ZFAND3: variants seen among roughly 807,000 people sequenced by gnomAD.
The protein encoded by ZFAND3 is zinc finger AN1-type containing 3.
A neutral mutation model predicts 29.6 loss-of-function variants in ZFAND3; 10 were observed. The ratio of observed to expected loss-of-function variants is 0.34; its 90% CI spans 0.21 to 0.57. The LOEUF (loss-of-function observed/expected upper bound fraction) is 0.57, where lower values mean the gene tolerates loss of function less well. Ranked by LOEUF, ZFAND3 falls within the 20% of genes least tolerant of loss-of-function variation. The pLI is 0.86. For synonymous variants in ZFAND3, 128 were observed against 112.6 expected (o/e 1.14, Z -0.87); for missense variants, 230 against 304.5 (o/e 0.76, Z 1.82).
chr6:38,147,361 ATAC>A (rs1383310293), intron 5 of ZFAND3, among the ~76,000 whole-genome samples: 1 of 152,228 alleles, frequency 6.6e-6, no homozygotes, highest in African/African-American at 2.4e-5. Context: ...TTGTGTATAT[ATAC>A]TACATTTTAT....
At chr6:38,091,858 A>G (rs770028866) in intron 4 of ZFAND3, among the ~76,000 whole-genome samples, 8 of 147,476 alleles carry the variant, frequency 5.4e-5, no homozygotes, top group African/African-American at 7.4e-5. Flanking sequence ...TATAAACAGG[A>G]TAAAGTGTCT....
intron 1 of ZFAND3, among the ~76,000 whole-genome samples, chr6:37,879,419 G>T (rs1279878281): frequency 6.6e-6 from 1 of 151,650 alleles, no homozygotes; most frequent in Non-Finnish European, 1.5e-5. Flanking sequence ...GGGGGGAATT[G>T]CATGGAACCA....
At chr6:37,970,128 AAATAAATG>A (rs1224788390) in intron 2 of ZFAND3, among the ~76,000 whole-genome samples, 18 of 152,146 alleles carry the variant, frequency 1.2e-4, no homozygotes, top group South Asian at 6.2e-4. Flanking sequence ...ATAAATAAAT[AAATAAATG>A]AATAAATGAA....
chr6:37,891,590 A>C lies in ZFAND3; in HGVS notation c.72-38369A>C, dbSNP rs574934845. Among the ~76,000 whole-genome samples, 467 of 126,608 alleles carry C rather than the reference A, an allele frequency of 3.7e-3. 3 individuals are homozygous for C. The highest frequency in any genetic ancestry group is 0.014 in the African/African-American group (444 of 32,404). 83.1% of individuals were successfully genotyped at this position (126,608 alleles called of 152,430 possible). On this transcript the variant is annotated intron_variant, in intron 1 of 5. Transcript: ENST00000287218. ...GCACTCCAGCCTGGGCTAAATAAAT[A>C]AATAATAAATAAATAAATAAATCAT...
intron 2 of ZFAND3, among the ~76,000 whole-genome samples, chr6:37,969,760 A>T (rs1762354983): frequency 1.3e-5 from 2 of 151,462 alleles, no homozygotes; most frequent in Admixed American, 6.6e-5. Context: ...ATTTGCTTTA[A>T]TTTTTTTTTC....
intron 2 of ZFAND3, among the ~76,000 whole-genome samples, chr6:37,995,607 CTATATA>C (rs1762836592): frequency 6.6e-6 from 1 of 151,962 alleles, no homozygotes; most frequent in Non-Finnish European, 1.5e-5. Context: ...TAATTGTTGC[CTATATA>C]TGTTATGTAC....
intron 2 of ZFAND3, among the ~76,000 whole-genome samples, chr6:37,989,340 T>C (rs948243857): frequency 3.9e-5 from 6 of 152,214 alleles, no homozygotes; most frequent in African/African-American, 1.4e-4. Flanking sequence ...CTCATAATAC[T>C]ACTGAAGGCT....
intron 2 of ZFAND3, among the ~76,000 whole-genome samples, chr6:37,955,236 A>G (rs558564421): frequency 3.3e-5 from 5 of 152,000 alleles, no homozygotes; most frequent in South Asian, 4.2e-4. Flanking sequence ...TTGGCAGTCT[A>G]TTGGTTGTTT....
At chr6:38,083,747 G>GAC (rs1401401100) in intron 4 of ZFAND3, among the ~76,000 whole-genome samples, 1 of 152,150 alleles carries the variant, frequency 6.6e-6, no homozygotes, top group Non-Finnish European at 1.5e-5. Flanking sequence ...GTCATCCTGA[G>GAC]AGGTTTGGGA....
intron 2 of ZFAND3, among the ~76,000 whole-genome samples, chr6:37,999,957 G>T (rs1762916082): frequency 6.6e-6 from 1 of 151,970 alleles, no homozygotes; most frequent in African/African-American, 2.4e-5. Context: ...TACTATCCTG[G>T]CAACCTTTTT....
At chr6:37,919,253 A>G (rs991033800) in intron 1 of ZFAND3, among the ~76,000 whole-genome samples, 2 of 152,036 alleles carry the variant, frequency 1.3e-5, no homozygotes, top group African/African-American at 4.8e-5. Context: ...GGGCTGAGAG[A>G]TCTTATATAT....
intron 2 of ZFAND3, among the ~76,000 whole-genome samples, chr6:38,006,721 T>C (rs1275498477): frequency 6.7e-6 from 1 of 148,622 alleles, no homozygotes; most frequent in Non-Finnish European, 1.5e-5. Flanking sequence ...GAAGAAATGG[T>C]GTGGATTCTG....
At chr6:37,983,961 A>T (rs1447981224) in intron 2 of ZFAND3, among the ~76,000 whole-genome samples, 1 of 152,226 alleles carries the variant, frequency 6.6e-6, no homozygotes, top group African/African-American at 2.4e-5. Flanking sequence ...GTGCAATGAA[A>T]AAAGCTGAAG....
Position 37,892,327 on chromosome 6 carries a change from C to T in ZFAND3, c.72-37632C>T, listed in dbSNP as rs182089687. ...ATAGGATGAGCAGGGTGTGGTAGCA[C>T]GTGCCTGTAGTCCCAGCTACTTGGG... On this transcript the variant is annotated intron_variant, in intron 1 of 5. Transcript: ENST00000287218. Among the ~76,000 whole-genome samples the T allele has an allele frequency of 1.9e-3, 296 of 152,256 alleles. 2 individuals are homozygous for T. The highest frequency in any genetic ancestry group is 6.6e-3 in the African/African-American group (273 of 41,556).
At chr6:37,991,496 G>T (rs997393770) in intron 2 of ZFAND3, among the ~76,000 whole-genome samples, 1 of 152,006 alleles carries the variant, frequency 6.6e-6, no homozygotes, top group African/African-American at 2.4e-5. Context: ...GGGATTACAG[G>T]CGCCTGCCAC....
chr6:38,021,239 G>A lies in ZFAND3; in HGVS notation c.113-40354G>A, dbSNP rs68148876. ...TTAGATTAGAGCAAACATTATCCCA[G>A]CTGCCGCGATAAGTAATGTGGAGAA... On this transcript the variant is annotated intron_variant, in intron 2 of 5. Coordinates refer to ENST00000287218, the MANE Select transcript of ZFAND3 (RefSeq NM_021943.3). 1.4e-3 allele frequency among the ~76,000 whole-genome samples: 211 copies of A among 152,252 alleles called. 1 individual carries two copies. Among genetic ancestry groups the A allele is most frequent in the African/African-American group, 4.2e-3 (174 of 41,540 alleles).
At chr6:37,896,699 T>C (rs1401203877) in intron 1 of ZFAND3, among the ~76,000 whole-genome samples, 1 of 150,776 alleles carries the variant, frequency 6.6e-6, no homozygotes, top group African/African-American at 2.4e-5. Context: ...TGTGTGTGTG[T>C]TTTAAATACC....
At chr6:37,907,171 AT>A (rs2127403204) in intron 1 of ZFAND3, among the ~76,000 whole-genome samples, 1 of 152,192 alleles carries the variant, frequency 6.6e-6, no homozygotes, top group South Asian at 2.1e-4. Flanking sequence ...CCTTTCCAAA[AT>A]ATCATTGATT....
chr6:37,986,206 T>C (rs1762668792), intron 2 of ZFAND3, among the ~76,000 whole-genome samples: 1 of 152,204 alleles, frequency 6.6e-6, no homozygotes, highest in South Asian at 2.1e-4. Flanking sequence ...TGAGTAGATA[T>C]TGCCCATTAG....
Sources: gnomAD v4.1 joint callset for allele counts (sites outside exome capture counted in the v4.1 genomes callset) on GRCh38, gnomAD v4.1.1 for gene constraint, MANE v1.5 for transcripts, NCBI Gene and HGNC (gene_info 2026-07-23, HGNC 2026-07-21) for gene names.